The following DLGAP2 variants were observed in gnomAD, a reference collection of about 807,000 sequenced individuals.
The protein encoded by DLGAP2 is disks large-associated protein 2.
In DLGAP2, 26 loss-of-function variants were observed where a neutral mutation model predicts 100.3. That is an observed-to-expected ratio of 0.26 (90% CI 0.19 to 0.36). The LOEUF is 0.36. Among genes scored for constraint, DLGAP2 ranks in the 10% least tolerant of loss-of-function variants. The pLI is 1.00. For synonymous variants in DLGAP2, 886 were observed against 630.1 expected, an observed-to-expected ratio of 1.41 and a Z score of -6.08; for missense variants, 1,858 against 1,453.2, an observed-to-expected ratio of 1.28 and a Z score of -4.53.
intron 4 of DLGAP2, among the ~76,000 whole-genome samples, chr8:1,513,336 C>A (rs532809615): frequency 2.0e-5 from 3 of 151,726 alleles, no homozygotes; most frequent in African/African-American, 4.8e-5. Flanking sequence ...AGGCCACAGG[C>A]CAGCTCCAGG....
At chr8:855,082 G>A (rs980152559) in intron 1 of DLGAP2, among the ~76,000 whole-genome samples, 1 of 152,204 alleles carries the variant, frequency 6.6e-6, no homozygotes, top group Non-Finnish European at 1.5e-5. Context: ...GGAGGAGGCG[G>A]GAGCAGGTCC....
chr8:1,043,161 GAC>G (rs1802411367), intron 2 of DLGAP2, among the ~76,000 whole-genome samples: 1 of 144,088 alleles, frequency 6.9e-6, no homozygotes, highest in African/African-American at 2.6e-5. Flanking sequence ...GTGGGTGGTG[GAC>G]GTGGGTGGTG....
intron 8 of DLGAP2, among the ~76,000 whole-genome samples, chr8:1,667,916 C>T (rs566847892): frequency 4.0e-5 from 6 of 150,902 alleles, no homozygotes; most frequent in Admixed American, 2.0e-4. Context: ...CGCTGTCCTG[C>T]GGGGACACAC....
chr8:956,374 G>A (rs946206309), intron 2 of DLGAP2, among the ~76,000 whole-genome samples: 1 of 152,168 alleles, frequency 6.6e-6, no homozygotes, highest in African/African-American at 2.4e-5. Flanking sequence ...GTGCATGAAC[G>A]GTATTGACAG....
intron 2 of DLGAP2, among the ~76,000 whole-genome samples, chr8:1,084,720 T>G (rs1372423039): frequency 2.0e-5 from 3 of 152,250 alleles, no homozygotes; most frequent in Non-Finnish European, 4.4e-5. Flanking sequence ...TTCCTTCTTT[T>G]GAGGCTGAAT....
chr8:1,084,840 G>A (rs1368061826), intron 2 of DLGAP2, among the ~76,000 whole-genome samples: 1 of 152,178 alleles, frequency 6.6e-6, no homozygotes, highest in Admixed American at 6.5e-5. Context: ...GTGACCATGG[G>A]AGTGCAGGCA....
chr8:1,602,391 G>A (rs1216492396), intron 6 of DLGAP2, among the ~76,000 whole-genome samples: 1 of 152,218 alleles, frequency 6.6e-6, no homozygotes, highest in Non-Finnish European at 1.5e-5. Context: ...CAGCCTGGCT[G>A]CTTCAAAGTT....
chr8:1,032,785 A>T (rs958651586), intron 2 of DLGAP2: 1 of 152,226 alleles, frequency 6.6e-6, no homozygotes, highest in Non-Finnish European at 1.5e-5. Flanking sequence ...GCTGCCTGTG[A>T]CGCATCCCGT....
chr8:1,133,736 C>G (rs190985558), intron 2 of DLGAP2, among the ~76,000 whole-genome samples: 1 of 152,250 alleles, frequency 6.6e-6, no homozygotes, highest in East Asian at 1.9e-4. Context: ...TAAGAGTAAT[C>G]TAAAACCAGA....
chr8:1,080,201 C>A (rs1312655184), intron 2 of DLGAP2, among the ~76,000 whole-genome samples: 1 of 152,230 alleles, frequency 6.6e-6, no homozygotes, highest in East Asian at 1.9e-4. Flanking sequence ...TTATTTTCCA[C>A]AAAACACTGA....
At chr8:782,401 A>T (rs971511671) in intron 1 of DLGAP2, among the ~76,000 whole-genome samples, 2 of 152,098 alleles carry the variant, frequency 1.3e-5, no homozygotes, top group African/African-American at 4.8e-5. Context: ...ATTAATACAT[A>T]CTCTCTCACT....
chr8:1,558,489 A>G (rs946132538), intron 5 of DLGAP2, among the ~76,000 whole-genome samples: 2 of 152,164 alleles, frequency 1.3e-5, no homozygotes, highest in African/African-American at 4.8e-5. Context: ...ACATACAAAC[A>G]TGCACACACA....
chr8:800,901 G>A (rs1796137786), intron 1 of DLGAP2, among the ~76,000 whole-genome samples: 1 of 152,062 alleles, frequency 6.6e-6, no homozygotes, highest in African/African-American at 2.4e-5. Context: ...GCCGTGCTGT[G>A]TCCTCGCCCC....
chr8:1,649,903 T>G (rs536261889), intron 8 of DLGAP2, among the ~76,000 whole-genome samples: 18 of 152,280 alleles, frequency 1.2e-4, no homozygotes, highest in Admixed American at 9.8e-4. Context: ...ATGGATCATA[T>G]CAAATGTTAC....
intron 2 of DLGAP2, among the ~76,000 whole-genome samples, chr8:1,007,942 C>T (rs547833519): frequency 4.3e-4 from 66 of 152,316 alleles, no homozygotes; most frequent in Non-Finnish European, 6.9e-4. Flanking sequence ...CCCGGTCCGT[C>T]TCGCTGGTGA....
chr8:1,242,817 C>T (rs1208306063), intron 2 of DLGAP2, among the ~76,000 whole-genome samples: 1 of 151,728 alleles, frequency 6.6e-6, no homozygotes, highest in Non-Finnish European at 1.5e-5. Flanking sequence ...GATGGATGGA[C>T]AGATGGACCG....
chr8:1,076,311 C>T (rs57012019), intron 2 of DLGAP2, among the ~76,000 whole-genome samples: 7,075 of 152,324 alleles, frequency 0.046, 538 homozygotes, highest in African/African-American at 0.16. Context: ...GCAGCTCACA[C>T]GGCACTGACA....
At chr8:848,190 G>C (rs535850820) in intron 1 of DLGAP2, among the ~76,000 whole-genome samples, 1 of 152,334 alleles carries the variant, frequency 6.6e-6, no homozygotes, top group African/African-American at 2.4e-5. Context: ...TTCGCACGAT[G>C]TATTATAGAC....
At chr8:1,557,123 C>T (rs889090051) in intron 5 of DLGAP2, among the ~76,000 whole-genome samples, 1 of 152,114 alleles carries the variant, frequency 6.6e-6, no homozygotes, top group Non-Finnish European at 1.5e-5. Flanking sequence ...TACTACCTGC[C>T]GGAAGCACCC....
Sources: allele counts gnomAD v4.1 joint callset (sites outside exome capture counted in the v4.1 genomes callset), GRCh38; gene constraint gnomAD v4.1.1; transcripts MANE v1.5; gene names NCBI Gene and HGNC (gene_info 2026-07-23, HGNC 2026-07-21).